Variants in ASXL2 observed in about 807,000 individuals in gnomAD.
ASXL2 encodes ASXL transcriptional regulator 2.
ASXL2 carries 23 observed loss-of-function variants against 122.0 expected under a neutral mutation model. The observed-to-expected ratio is 0.19, with a 90% CI of 0.14 to 0.27. The LOEUF is 0.27. Among genes scored for constraint, ASXL2 ranks in the 10% least tolerant of loss-of-function variants. The pLI is 1.00. For missense variants in ASXL2, 1,518 were observed against 1,713.8 expected (o/e 0.89, Z 2.02); for synonymous variants, 650 against 637.0 (o/e 1.02, Z -0.31).
At position 25,736,153 on chromosome 2, in the gene ASXL2, T is replaced by G. The variant is rs1390271452; in HGVS notation, c.*5876A>C. The stretch of plus-strand genomic sequence containing the variant: ...CCAGACTTCTAAAGACCAGCTGAGG[T>G]CAAGTAGTCTCAGAAGCAATGAACA... On this transcript the variant is annotated 3_prime_UTR_variant, in exon 13 of 13. Coordinates refer to ENST00000435504, the MANE Select transcript of ASXL2 (RefSeq NM_018263.6). 1 of 152,128 alleles carries G rather than the reference T, an allele frequency of 6.6e-6. No individual in the cohort carries two copies. The highest frequency in any genetic ancestry group is 2.4e-5 in the African/African-American group (1 of 41,412). 9.4% of individuals were successfully genotyped at this position (152,128 alleles called of 1,614,324 possible). A position where few individuals can be genotyped will look rare whatever the true frequency, so the allele number is the denominator to read the frequency against.
intron 2 of ASXL2, among the ~76,000 whole-genome samples, chr2:25,836,185 T>A (rs1278569569): frequency 6.6e-6 from 1 of 152,170 alleles, no homozygotes; most frequent in South Asian, 2.1e-4. Flanking sequence ...AAGATGAGCC[T>A]GAGCAACATA....
At chr2:25,750,614 C>T (rs907969035) in intron 11 of ASXL2, among the ~76,000 whole-genome samples, 7 of 152,194 alleles carry the variant, frequency 4.6e-5, no homozygotes, top group South Asian at 2.1e-4. Flanking sequence ...TGATACCTAC[C>T]GTCCGTGTGA....
chr2:25,849,268 C>A (rs2089689397), intron 1 of ASXL2, among the ~76,000 whole-genome samples: 1 of 149,898 alleles, frequency 6.7e-6, no homozygotes, highest in Non-Finnish European at 1.5e-5. Flanking sequence ...AGATTCCCTG[C>A]CTCTGGTAAA....
Position 25,749,701 on chromosome 2 carries a change from G to C in ASXL2, c.1855C>G (p.Leu619Val), listed in dbSNP as rs2088005067. 1 of 1,517,536 alleles carries C rather than the reference G, an allele frequency of 6.6e-7. No individual in the cohort carries two copies. The highest frequency in any genetic ancestry group is 2.3e-5 in the East Asian group (1 of 43,854). 94.0% of individuals were successfully genotyped at this position (1,517,536 alleles called of 1,614,324 possible). A position where few individuals can be genotyped will look rare whatever the true frequency, so the allele number is the denominator to read the frequency against. The change falls in exon 12 of 13, where the codon CTC becomes GTC. Residue 619 changes from leucine to valine, a missense_variant. This residue lies in a region of ASXL2 where 292 missense variants were observed against 293.5 expected (regional missense o/e 1.00). Transcript: ENST00000435504. ...DRIQVRKVPP[L>V]KIPVSRISPM... is the part of the protein sequence containing the mutation. ...AATTCTCTCCATTCTCTTACCTTGA[G>C]AGGTGGTACTTTTCGCACCTGGATT...
Position 25,743,888 on chromosome 2 carries a change from A to G in ASXL2, c.2449T>C (p.Ser817Pro). ...NPTRATATVA[S>P]VSHPQGPSSC... ...CTGGGCCCTTGTGGATGGCTGACAG[A>G]GGCCACTGTGGCTGTTGCTCTGGTG... is the stretch of plus-strand genomic sequence containing the variant. The change falls in exon 13 of 13, where the codon TCT becomes CCT. Residue 817 changes from serine to proline, a missense_variant. By Grantham distance (74) the Ser-to-Pro change is moderately conservative (BLOSUM62 -1). Transcript: ENST00000435504. 1 of 1,613,992 alleles carries G rather than the reference A, an allele frequency of 6.2e-7. No homozygotes were observed. Among genetic ancestry groups the G allele is most frequent in the Non-Finnish European group, 8.5e-7 (1 of 1,179,888 alleles).
At chr2:25,755,262 C>A (rs1003495516) in intron 10 of ASXL2, among the ~76,000 whole-genome samples, 2 of 152,142 alleles carry the variant, frequency 1.3e-5, no homozygotes, top group African/African-American at 2.4e-5. Context: ...CTGACACTAA[C>A]CCAGAGCAAT....
At chr2:25,856,383 TTGACACCA>T in intron 1 of ASXL2, 3 of 492,890 alleles carry the variant, frequency 6.1e-6, no homozygotes, top group South Asian at 1.8e-5. Context: ...TTTTTTTTTT[TTGACACCA>T]GTGTTTATTT....
Position 25,743,555 on chromosome 2 carries a change from T to C in ASXL2, c.2782A>G (p.Thr928Ala). Residue 928 changes from threonine (T) to alanine (A), a missense_variant, in exon 13 of 13, where the codon ACC becomes GCC. Physicochemically the swap from Thr to Ala is moderately conservative, Grantham distance 58 (BLOSUM62 0). Around this residue, in one of 8 missense-constraint regions of ASXL2, gnomAD observed 831 missense variants for 833.1 expected, o/e 1.00. Transcript: ENST00000435504. ...TTCATGTTTAAAGAAGTTCCTGGGG[T>C]TTTAAGGCTAGAAGCTGCTGGCAAA... is the stretch of plus-strand genomic sequence containing the variant. Reference protein sequence around the residue: ...STLPAASSLKTPGTSLNMNGP... With the variant: ...STLPAASSLKAPGTSLNMNGP... 2 of 1,613,634 alleles carry C rather than the reference T, an allele frequency of 1.2e-6. No homozygotes were observed. Among genetic ancestry groups the C allele is most frequent in the Non-Finnish European group, 1.7e-6 (2 of 1,179,824 alleles).
chr2:25,836,262 G>C (rs2089509199), intron 2 of ASXL2, among the ~76,000 whole-genome samples: 1 of 152,098 alleles, frequency 6.6e-6, no homozygotes, highest in Non-Finnish European at 1.5e-5. Context: ...GGAAGATGCA[G>C]GCTTAACCAC....
intron 1 of ASXL2, among the ~76,000 whole-genome samples, chr2:25,852,065 A>T (rs1368587173): frequency 6.6e-6 from 1 of 152,150 alleles, no homozygotes; most frequent in African/African-American, 2.4e-5. Context: ...AGCGGAAATG[A>T]CTACAGTAGT....
At chr2:25,812,424 C>A (rs2089183836) in intron 3 of ASXL2, among the ~76,000 whole-genome samples, 1 of 152,088 alleles carries the variant, frequency 6.6e-6, no homozygotes, top group South Asian at 2.1e-4. Flanking sequence ...CGCGCCATTG[C>A]ACTCCAGCCT....
intron 5 of ASXL2, among the ~76,000 whole-genome samples, chr2:25,798,394 T>C (rs1245701456): frequency 6.6e-6 from 1 of 152,118 alleles, no homozygotes; most frequent in East Asian, 1.9e-4. Flanking sequence ...GCATATTACT[T>C]AAGGAAAGCC....
chr2:25,773,554 T>C (rs1428705847), intron 5 of ASXL2, among the ~76,000 whole-genome samples: 1 of 150,626 alleles, frequency 6.6e-6, no homozygotes, highest in East Asian at 2.0e-4. Flanking sequence ...TAGTCCCAGC[T>C]ACTCAGGAGA....
chr2:25,789,825 T>G (rs1048838357), intron 5 of ASXL2, among the ~76,000 whole-genome samples: 22 of 152,228 alleles, frequency 1.4e-4, no homozygotes, highest in African/African-American at 5.3e-4. Context: ...TCCATATATA[T>G]TATAATCTAA....
intron 3 of ASXL2, among the ~76,000 whole-genome samples, chr2:25,814,251 T>C (rs997120913): frequency 2.0e-5 from 3 of 152,100 alleles, no homozygotes; most frequent in Admixed American, 6.6e-5. Context: ...TTTATTTTTA[T>C]GAATAATAAA....
intron 1 of ASXL2, among the ~76,000 whole-genome samples, chr2:25,867,061 T>C (rs1373354340): frequency 5.3e-5 from 8 of 152,006 alleles, no homozygotes; most frequent in Non-Finnish European, 8.8e-5. Flanking sequence ...CCACCATGCC[T>C]GGCTAATTTT....
intron 1 of ASXL2, among the ~76,000 whole-genome samples, chr2:25,850,269 C>A (rs2089699873): frequency 6.6e-6 from 1 of 152,110 alleles, no homozygotes; most frequent in Admixed American, 6.5e-5. Flanking sequence ...CAGGGAAAAA[C>A]CACTTTTTTT....
At position 25,759,576 on chromosome 2, in the gene ASXL2, T is replaced by C; in HGVS notation, c.845A>G (p.Asn282Ser). Residue 282 changes from asparagine (N) to serine (S), a missense_variant, in exon 9 of 13, where the codon AAT becomes AGT. Physicochemically the swap from Asn to Ser is conservative, Grantham distance 46 (BLOSUM62 1). Transcript: ENST00000435504. ...GTGCTTGTTGATCAGTGCTCGCAGA[T>C]TTGTATTAACCAGAATGGAGTCCGG... Reference protein sequence around the residue: ...ETPDSILVNTNLRALINKHTF... With the variant: ...ETPDSILVNTSLRALINKHTF... 6.2e-7 allele frequency: 1 copy of C among 1,613,996 alleles called. No homozygotes were observed. Among genetic ancestry groups the C allele is most frequent in the Non-Finnish European group, 8.5e-7 (1 of 1,179,866 alleles).
chr2:25,819,478 T>A (rs550841061), intron 3 of ASXL2, among the ~76,000 whole-genome samples: 1 of 152,294 alleles, frequency 6.6e-6, no homozygotes, highest in East Asian at 1.9e-4. Flanking sequence ...ACAGTTACCA[T>A]CACTAATACT....
Sources: allele counts gnomAD v4.1 joint callset (sites outside exome capture counted in the v4.1 genomes callset), GRCh38; gene constraint gnomAD v4.1.1; regional missense constraint gnomAD v4.1.1; transcripts MANE v1.5; gene names NCBI Gene and HGNC (gene_info 2026-07-23, HGNC 2026-07-21).